NME7: variants seen among roughly 807,000 people sequenced by gnomAD.
NME7 encodes the protein NME/NM23 family member 7.
In NME7, 41 loss-of-function variants were observed where a neutral mutation model predicts 49.1. The ratio of observed to expected loss-of-function variants is 0.83; its 90% CI spans 0.65 to 1.08. NME7 has a LOEUF of 1.08. Ranked by LOEUF, NME7 falls within the 50% of genes least tolerant of loss-of-function variation. NME7 has a pLI of 0.00. For missense variants in NME7, 423 were observed against 463.4 expected (o/e 0.91, Z 0.80); for synonymous variants, 139 against 150.6 (o/e 0.92, Z 0.56).
At chr1:169,240,883 C>T (rs1281899693) in intron 7 of NME7, among the ~76,000 whole-genome samples, 1 of 152,010 alleles carries the variant, frequency 6.6e-6, no homozygotes, top group African/African-American at 2.4e-5. Flanking sequence ...TTTATCTTCA[C>T]TTGGATTTTA....
chr1:169,337,563 G>A (rs933688922), intron 1 of NME7, among the ~76,000 whole-genome samples: 1 of 152,176 alleles, frequency 6.6e-6, no homozygotes, highest in Non-Finnish European at 1.5e-5. Flanking sequence ...CTCAAGTGCC[G>A]CCAAAGTGGG....
In NME7 at chr1:169,293,943, C is replaced by T. The variant is rs115814434; in HGVS notation, c.648+4613G>A. On this transcript the variant is annotated intron_variant, in intron 6 of 11. Coordinates refer to ENST00000367811, the MANE Select transcript of NME7 (RefSeq NM_013330.5). ...TAGGTGTCATAGACTTTTTTTTAAC[C>T]GTATGAATGGAAATCTCTTCTAAAA... Among the ~76,000 whole-genome samples, 1,485 of 151,832 alleles carry T rather than the reference C, an allele frequency of 9.8e-3. 12 individuals are homozygous for T. Among genetic ancestry groups the T allele is most frequent in the African/African-American group, 0.034 (1,413 of 41,414 alleles).
chr1:169,169,072 GA>G (rs752274947), intron 11 of NME7: 2 of 465,310 alleles, frequency 4.3e-6, no homozygotes, highest in Non-Finnish European at 4.2e-6. Flanking sequence ...ATGCCAACCA[GA>G]AAAAAATATC....
intron 1 of NME7, among the ~76,000 whole-genome samples, chr1:169,331,631 C>A (rs545858812): frequency 2.0e-5 from 3 of 152,108 alleles, no homozygotes; most frequent in African/African-American, 7.2e-5. Flanking sequence ...TTGCAGGATA[C>A]GAAATCATAC....
At chr1:169,199,448 T>C (rs539622347) in intron 10 of NME7, among the ~76,000 whole-genome samples, 997 of 50,182 alleles carry the variant, frequency 0.02, 14 homozygotes, top group African/African-American at 0.051. Context: ...CCCAGGGTCT[T>C]TTTTATTATT....
At chr1:169,229,607 A>C (rs1249929340) in intron 10 of NME7, among the ~76,000 whole-genome samples, 1 of 152,218 alleles carries the variant, frequency 6.6e-6, no homozygotes, top group East Asian at 1.9e-4. Context: ...ATCTAGCAGC[A>C]CTTTGACACA....
In NME7 at chr1:169,323,147, G is replaced by A. The variant is rs766073211; in HGVS notation, c.248C>T (p.Thr83Ile). The A allele has an allele frequency of 1.2e-6, 2 of 1,601,440 alleles. No homozygotes were observed. Among genetic ancestry groups the A allele is most frequent in the Non-Finnish European group, 1.7e-6 (2 of 1,174,992 alleles). The change falls in exon 3 of 12, where the codon ACA becomes ATA. Residue 83 changes from threonine to isoleucine, a missense_variant. Coordinates refer to ENST00000367811, the MANE Select transcript of NME7 (RefSeq NM_013330.5). ...LVLIDYGDQYTARQLGSRKEK... is the reference protein window; with the variant it reads ...LVLIDYGDQYIARQLGSRKEK... ...TTTCCTACTGCCCAGCTGGCGAGCT[G>A]TATATTGATCCCCATAGTCAATTAA...
chr1:169,311,220 C>CA (rs1273059449), intron 3 of NME7, among the ~76,000 whole-genome samples: 10 of 152,058 alleles, frequency 6.6e-5, no homozygotes, highest in Non-Finnish European at 1.3e-4. Context: ...AGATCGAGAC[C>CA]ATCCTGGCTA....
intron 11 of NME7, among the ~76,000 whole-genome samples, chr1:169,147,021 C>T (rs753095544): frequency 6.6e-6 from 1 of 152,174 alleles, no homozygotes; most frequent in Non-Finnish European, 1.5e-5. Context: ...ACAGTGAGAT[C>T]AGAATAATCC....
rs1659799073 is a variant in NME7, at chr1:169,177,794, T to C, written c.991-8240A>G. ...ACCAAGCTCTTTCCTACCTCAAGCA[T>C]GAAAACACACAGTATTTCCCTTGGC... On this transcript the variant is annotated intron_variant, in intron 10 of 11. Transcript: ENST00000367811. Among the ~76,000 whole-genome samples, 3 of 152,162 alleles carry C rather than the reference T, an allele frequency of 2.0e-5. No individual in the cohort carries two copies. In the South Asian group the frequency reaches 6.2e-4, roughly 32 times the overall value.
intron 6 of NME7, among the ~76,000 whole-genome samples, chr1:169,293,546 C>G (rs1159979782): frequency 6.6e-6 from 1 of 152,114 alleles, no homozygotes; most frequent in Non-Finnish European, 1.5e-5. Flanking sequence ...CACTGATATA[C>G]TTACCTACTC....
At chr1:169,359,723 A>AACAAAGGATAAAAGTTGAATTTACATCT (rs1653592793) in intron 1 of NME7, among the ~76,000 whole-genome samples, 1 of 152,056 alleles carries the variant, frequency 6.6e-6, no homozygotes, top group African/African-American at 2.4e-5. Context: ...AACTATGGAA[A>AACAAAGGATAAAAGTTGAATTTACATCT]ACAAAGGATA....
intron 11 of NME7, 152 bp downstream of exon 11, chr1:169,169,295 T>A: frequency 1.6e-6 from 1 of 612,328 alleles, no homozygotes; most frequent in Non-Finnish European, 2.9e-6. Flanking sequence ...CCAGGGCACG[T>A]GTATACCTAT....
At chr1:169,184,119 C>A (rs2101752605) in intron 10 of NME7, among the ~76,000 whole-genome samples, 1 of 151,838 alleles carries the variant, frequency 6.6e-6, no homozygotes, top group African/African-American at 2.4e-5. Context: ...TGACTATGAT[C>A]TTGAAACACA....
At chr1:169,273,508 T>G (rs1471115104) in intron 7 of NME7, among the ~76,000 whole-genome samples, 1 of 131,502 alleles carries the variant, frequency 7.6e-6, no homozygotes, top group Non-Finnish European at 1.8e-5. Context: ...ATGCGCACAA[T>G]GTGCAGGTTA....
intron 3 of NME7, among the ~76,000 whole-genome samples, chr1:169,314,493 A>G (rs977632311): frequency 1.3e-5 from 2 of 152,168 alleles, no homozygotes; most frequent in African/African-American, 4.8e-5. Context: ...ACAATCAAAA[A>G]TAAGATAATA....
chr1:169,229,772 C>G (rs1647518342), intron 10 of NME7, among the ~76,000 whole-genome samples: 1 of 152,006 alleles, frequency 6.6e-6, no homozygotes, highest in Non-Finnish European at 1.5e-5. Context: ...ACCAGCCTGG[C>G]CAACAGGATA....
intron 7 of NME7, among the ~76,000 whole-genome samples, chr1:169,259,169 T>A (rs532289650): frequency 7.5e-6 from 1 of 133,638 alleles, no homozygotes; most frequent in Non-Finnish European, 1.8e-5. Flanking sequence ...TAAATAATTT[T>A]AAAGTGAACA....
intron 10 of NME7, among the ~76,000 whole-genome samples, chr1:169,205,824 C>T (rs2101785558): frequency 6.6e-6 from 1 of 152,032 alleles, no homozygotes; most frequent in East Asian, 2.0e-4. Flanking sequence ...TTTTCAGCAG[C>T]TTTCCACGCT....
Sources: gnomAD v4.1 joint callset for allele counts (sites outside exome capture counted in the v4.1 genomes callset) on GRCh38, gnomAD v4.1.1 for gene constraint, MANE v1.5 for transcripts, NCBI Gene and HGNC (gene_info 2026-07-23, HGNC 2026-07-21) for gene names.